The following PRELID2 variants were observed in gnomAD, a reference collection of about 807,000 sequenced individuals.
PRELID2 encodes PRELI domain-containing protein 2.
In PRELID2, 25 loss-of-function variants were observed where a neutral mutation model predicts 28.4. That is an observed-to-expected ratio of 0.88 (90% confidence interval 0.64 to 1.23). The LOEUF is 1.23. Ranked by LOEUF, PRELID2 falls within the 50% of genes most tolerant of loss-of-function variation. PRELID2 has a pLI of 0.00. For synonymous variants in PRELID2, 76 were observed against 71.6 expected (o/e 1.06, Z -0.31); for missense variants, 201 against 214.4 (o/e 0.94, Z 0.39).
the PRELID2 span, among the ~76,000 whole-genome samples, chr5:145,447,726 GT>G: frequency 8.7e-6 from 1 of 115,602 alleles, no homozygotes; most frequent in Non-Finnish European, 1.8e-5. Flanking sequence ...GCGGTGTTTG[GT>G]TTTTTGTTCT....
At chr5:145,290,387 T>C in the PRELID2 span, among the ~76,000 whole-genome samples, 61 of 149,062 alleles carry the variant, frequency 4.1e-4, no homozygotes, top group Non-Finnish European at 7.8e-4. Flanking sequence ...TAAGAAAATG[T>C]GGCACATATA....
rs139337195 is a variant in PRELID2 at position 145,575,722 on chromosome 5, G to T, written n.71-102407C>A. On this transcript the variant is annotated intron_variant and non_coding_transcript_variant, in intron 1 of 2. Coordinates refer to the PRELID2 transcript ENST00000510259. ...TCTATAAAAGTAGCCCTTCATTATT[G>T]GTCCCTGACTATAACTGTTGCTACC... 1.7e-3 allele frequency among the ~76,000 whole-genome samples: 252 copies of T among 152,122 alleles called. 1 individual carries two copies. The highest frequency in any genetic ancestry group is 6.8e-3 in the Middle Eastern group (2 of 294).
At chr5:145,692,532 T>A (rs948909356) in intron 1 of PRELID2, among the ~76,000 whole-genome samples, 18 of 152,164 alleles carry the variant, frequency 1.2e-4, no homozygotes, top group Non-Finnish European at 1.3e-4. Context: ...GTAAAAATGC[T>A]CAGTGTTTTC....
intron 1 of PRELID2, among the ~76,000 whole-genome samples, chr5:145,726,217 A>AAAGGAAGG (rs778448790): frequency 1.7e-4 from 22 of 128,370 alleles, no homozygotes; most frequent in African/African-American, 3.6e-4. Flanking sequence ...AAGAGAGAAG[A>AAAGGAAGG]AAGGAAGGAA....
chr5:145,774,396 T>C (rs1406437019), intron 5 of PRELID2, among the ~76,000 whole-genome samples: 1 of 152,216 alleles, frequency 6.6e-6, no homozygotes, highest in East Asian at 1.9e-4. Flanking sequence ...AGAGAATAAG[T>C]ACACTTCACT....
chr5:145,453,450 T>C, the PRELID2 span, among the ~76,000 whole-genome samples: 1 of 152,166 alleles, frequency 6.6e-6, no homozygotes, highest in Non-Finnish European at 1.5e-5. Context: ...CCCATTGCTC[T>C]TTTTTATTTC....
At chr5:145,543,158 C>T (rs1752758909) in intron 1 of PRELID2, among the ~76,000 whole-genome samples, 1 of 152,062 alleles carries the variant, frequency 6.6e-6, no homozygotes, top group African/African-American at 2.4e-5. Flanking sequence ...TTTGAAATTT[C>T]ACATTTGCTT....
the PRELID2 span, among the ~76,000 whole-genome samples, chr5:145,392,245 AGG>A: frequency 6.6e-6 from 1 of 152,024 alleles, no homozygotes; most frequent in African/African-American, 2.4e-5. Flanking sequence ...ATGGCTGGGG[AGG>A]CCTCAGGAAA....
intron 1 of PRELID2, among the ~76,000 whole-genome samples, chr5:145,707,408 T>C (rs1755577275): frequency 6.6e-6 from 1 of 152,198 alleles, no homozygotes; most frequent in South Asian, 2.1e-4. Flanking sequence ...AAGAAGGTAA[T>C]TTCTGTATTA....
chr5:145,675,190 A>G (rs1197527282), intron 1 of PRELID2, among the ~76,000 whole-genome samples: 1 of 152,154 alleles, frequency 6.6e-6, no homozygotes, highest in Non-Finnish European at 1.5e-5. Context: ...TTATAAAAAT[A>G]GAGGAAAGAA....
chr5:145,381,973 T>G, the PRELID2 span, among the ~76,000 whole-genome samples: 1 of 151,918 alleles, frequency 6.6e-6, no homozygotes, highest in Non-Finnish European at 1.5e-5. Flanking sequence ...TTTTTTTAAT[T>G]TAGCAGAAAA....
intron 1 of PRELID2, among the ~76,000 whole-genome samples, chr5:145,696,261 C>G (rs1156964661): frequency 7.0e-6 from 1 of 142,730 alleles, no homozygotes. Flanking sequence ...TATTTCACCT[C>G]TTTAAGAGGG....
chr5:145,236,454 G>T, the PRELID2 span, among the ~76,000 whole-genome samples: 5 of 152,100 alleles, frequency 3.3e-5, no homozygotes, highest in Non-Finnish European at 4.4e-5. Flanking sequence ...TCTGCAAAGG[G>T]CTGCCCCCAC....
At chr5:145,377,726 G>T in the PRELID2 span, among the ~76,000 whole-genome samples, 4 of 151,954 alleles carry the variant, frequency 2.6e-5, no homozygotes, top group Admixed American at 2.6e-4. Context: ...CCTTTATTTT[G>T]AGCCCATGTG....
At chr5:145,481,934 C>T (rs1752166012) in intron 1 of PRELID2, among the ~76,000 whole-genome samples, 1 of 152,162 alleles carries the variant, frequency 6.6e-6, no homozygotes, top group Non-Finnish European at 1.5e-5. Flanking sequence ...TTTGTTACAA[C>T]TAAACTGTAT....
At chr5:145,652,310 C>T (rs567481339) in intron 1 of PRELID2, among the ~76,000 whole-genome samples, 186 of 152,314 alleles carry the variant, frequency 1.2e-3, no homozygotes, top group Middle Eastern at 6.8e-3. Flanking sequence ...GAAAATGGAA[C>T]CAAGTTGGAA....
At chr5:145,408,444 T>A in the PRELID2 span, among the ~76,000 whole-genome samples, 1 of 145,102 alleles carries the variant, frequency 6.9e-6, no homozygotes. Flanking sequence ...ATAACATATA[T>A]ATGTATAATA....
At chr5:145,685,826 G>A (rs569021052) in intron 1 of PRELID2, among the ~76,000 whole-genome samples, 2 of 152,236 alleles carry the variant, frequency 1.3e-5, no homozygotes, top group South Asian at 4.2e-4. Flanking sequence ...AGAAGAGAAG[G>A]TAAACAAACT....
rs557833762 is a variant in PRELID2 at position 145,758,876 on chromosome 5, C to A, written c.*1660G>T. ...CTCAGATACAATAAGAACAGGCTCA[C>A]AGTGGCAGGCTTGTATGAAAAAATA... is the stretch of plus-strand genomic sequence containing the variant. On this transcript the variant is annotated 3_prime_UTR_variant, in exon 7 of 7. Transcript: ENST00000683046. The A allele has an allele frequency of 1.3e-5, 2 of 151,590 alleles. No individual in the cohort carries two copies. Among genetic ancestry groups the A allele is most frequent in the African/African-American group, 4.8e-5 (2 of 41,278 alleles). 9.4% of individuals were successfully genotyped at this position (151,590 alleles called of 1,614,324 possible).
Sources: allele counts gnomAD v4.1 joint callset (sites outside exome capture counted in the v4.1 genomes callset), GRCh38; gene constraint gnomAD v4.1.1; transcripts MANE v1.5; gene names NCBI Gene and HGNC (gene_info 2026-07-23, HGNC 2026-07-21).